Variants in ZDHHC21 observed in about 807,000 individuals in gnomAD.
ZDHHC21 encodes the protein zDHHC palmitoyltransferase 21.
ZDHHC21 carries 15 observed loss-of-function variants against 34.6 expected under a neutral mutation model. That is an observed-to-expected ratio of 0.43 (90% confidence interval 0.29 to 0.67). The LOEUF is 0.67. Among genes scored for constraint, ZDHHC21 ranks in the 30% least tolerant of loss-of-function variants. The pLI is 0.14. For missense variants in ZDHHC21, 344 were observed against 327.7 expected (o/e 1.05, Z -0.38); for synonymous variants, 142 against 101.8 (o/e 1.40, Z -2.38).
At chr9:14,621,963 G>A (rs541063993) in intron 8 of ZDHHC21, among the ~76,000 whole-genome samples, 5 of 151,936 alleles carry the variant, frequency 3.3e-5, no homozygotes, top group Non-Finnish European at 1.5e-5. Context: ...ATCATGAAAG[G>A]ACCAATAAGA....
intron 5 of ZDHHC21, among the ~76,000 whole-genome samples, chr9:14,662,852 A>G (rs1489004922): frequency 1.3e-5 from 2 of 152,208 alleles, no homozygotes; most frequent in Non-Finnish European, 2.9e-5. Context: ...ATTTTAAAAA[A>G]CATCAGTAGA....
chr9:14,652,483 G>A (rs1252345410), intron 7 of ZDHHC21, among the ~76,000 whole-genome samples: 1 of 151,830 alleles, frequency 6.6e-6, no homozygotes, highest in African/African-American at 2.4e-5. Flanking sequence ...ATCTTTGAAC[G>A]TTCGTGATAA....
chr9:14,683,241 T>C (rs1435382126), intron 2 of ZDHHC21, among the ~76,000 whole-genome samples: 2 of 152,022 alleles, frequency 1.3e-5, no homozygotes, highest in African/African-American at 4.8e-5. Context: ...AATCAATGAA[T>C]CCAGGAGCTG....
At chr9:14,644,322 T>C (rs1170854139) in intron 7 of ZDHHC21, among the ~76,000 whole-genome samples, 1 of 152,172 alleles carries the variant, frequency 6.6e-6, no homozygotes, top group African/African-American at 2.4e-5. Context: ...GTAATGACAG[T>C]TTTATTTCCT....
intron 7 of ZDHHC21, 108 bp downstream of exon 7, chr9:14,658,641 T>C (rs530629676): frequency 1.1e-6 from 1 of 879,592 alleles, no homozygotes; most frequent in Admixed American, 2.7e-5. Context: ...CCGGCTAATT[T>C]TTTGTATTTT....
At chr9:14,589,115 TGGGGTA>T in the ZDHHC21 span, 1 of 152,054 alleles carries the variant, frequency 6.6e-6, no homozygotes, top group Non-Finnish European at 1.5e-5. Flanking sequence ...CATAAAGCAC[TGGGGTA>T]GGGGTCAATG....
intron 7 of ZDHHC21, among the ~76,000 whole-genome samples, chr9:14,645,110 T>C (rs1046932201): frequency 6.6e-6 from 1 of 152,068 alleles, no homozygotes; most frequent in African/African-American, 2.4e-5. Flanking sequence ...TCTTAGTATT[T>C]AACTTCACAG....
intron 2 of ZDHHC21, among the ~76,000 whole-genome samples, chr9:14,681,808 C>G (rs1044177727): frequency 2.0e-5 from 3 of 151,400 alleles, no homozygotes; most frequent in African/African-American, 7.3e-5. Context: ...TAAAAATGGG[C>G]AGATCGAAGC....
the ZDHHC21 span, among the ~76,000 whole-genome samples, chr9:14,597,572 C>G: frequency 1.3e-5 from 2 of 152,242 alleles, no homozygotes; most frequent in African/African-American, 4.8e-5. Flanking sequence ...GACCAGCTTG[C>G]CCCAGTGCCA....
chr9:14,672,278 C>G (rs1478367224), intron 5 of ZDHHC21, among the ~76,000 whole-genome samples: 1 of 152,060 alleles, frequency 6.6e-6, no homozygotes, highest in Non-Finnish European at 1.5e-5. Flanking sequence ...ACAGTTTCAA[C>G]TCTCTAGGCA....
the ZDHHC21 span, among the ~76,000 whole-genome samples, chr9:14,595,252 C>G: frequency 1.3e-5 from 2 of 152,084 alleles, no homozygotes; most frequent in Non-Finnish European, 2.9e-5. Flanking sequence ...AAACTGAAAG[C>G]AATCCACATG....
rs1824574884 is a variant in ZDHHC21 at position 14,618,027 on chromosome 9, C to T, written c.*939G>A. On this transcript the variant is annotated 3_prime_UTR_variant, in exon 10 of 10. Transcript: ENST00000380916. Reference sequence around the variant, plus strand: ...GTAAAAAGTATACTCTTTTCAAAAGCACAATATTCCTCTTTATACTGTACA... The same window carrying T: ...GTAAAAAGTATACTCTTTTCAAAAGTACAATATTCCTCTTTATACTGTACA... The T allele has an allele frequency of 6.6e-6, 1 of 152,362 alleles. No homozygotes were observed. Among genetic ancestry groups the T allele is most frequent in the Admixed American group, 6.6e-5 (1 of 15,230 alleles). 9.4% of individuals were successfully genotyped at this position (152,362 alleles called of 1,614,324 possible).
chr9:14,643,929 G>C (rs1369547878), intron 7 of ZDHHC21, among the ~76,000 whole-genome samples: 1 of 152,130 alleles, frequency 6.6e-6, no homozygotes, highest in Non-Finnish European at 1.5e-5. Context: ...ATACCTGGTA[G>C]GCCATGTCAT....
chr9:14,607,704 T>C (rs771637979), downstream of ZDHHC21, among the ~76,000 whole-genome samples: 3 of 152,130 alleles, frequency 2.0e-5, no homozygotes, highest in Non-Finnish European at 4.4e-5. Context: ...CAATTTTTCA[T>C]GTTTACATAA....
the ZDHHC21 span, among the ~76,000 whole-genome samples, chr9:14,598,012 T>G: frequency 1.5e-4 from 23 of 152,196 alleles, no homozygotes; most frequent in African/African-American, 5.5e-4. Context: ...CTTGGGGGCC[T>G]GAGAGTTGGC....
intron 6 of ZDHHC21, among the ~76,000 whole-genome samples, chr9:14,661,406 T>C (rs1587253459): frequency 6.6e-6 from 1 of 152,220 alleles, no homozygotes; most frequent in African/African-American, 2.4e-5. Context: ...TTTGCATATA[T>C]GCATGTATGT....
the ZDHHC21 span, among the ~76,000 whole-genome samples, chr9:14,600,608 C>A: frequency 6.6e-6 from 1 of 152,036 alleles, no homozygotes; most frequent in Admixed American, 6.6e-5. Flanking sequence ...AGGTTATCCC[C>A]ATCAAGTTAC....
chr9:14,691,739 T>C (rs1414922995), intron 1 of ZDHHC21, among the ~76,000 whole-genome samples: 1 of 152,220 alleles, frequency 6.6e-6, no homozygotes, highest in Non-Finnish European at 1.5e-5. Context: ...TAGAATTGTT[T>C]CCATCGAAAA....
At chr9:14,632,023 G>C (rs1292400859) in intron 8 of ZDHHC21, among the ~76,000 whole-genome samples, 1 of 150,860 alleles carries the variant, frequency 6.6e-6, no homozygotes, top group African/African-American at 2.4e-5. Flanking sequence ...CTTACTCAAT[G>C]CATCATTGCC....
Sources: gnomAD v4.1 joint callset for allele counts (sites outside exome capture counted in the v4.1 genomes callset) on GRCh38, gnomAD v4.1.1 for gene constraint, MANE v1.5 for transcripts, NCBI Gene and HGNC (gene_info 2026-07-23, HGNC 2026-07-21) for gene names.